Variants in CDKL3 observed in about 807,000 individuals in gnomAD.
CDKL3 encodes the protein cyclin dependent kinase like 3.
CDKL3 carries 65 observed loss-of-function variants against 69.3 expected under a neutral mutation model. The observed-to-expected ratio is 0.94, with a 90% CI of 0.77 to 1.15. The LOEUF is 1.15. Among genes scored for constraint, CDKL3 ranks in the 50% most tolerant of loss-of-function variants. CDKL3 has a pLI of 0.00. For synonymous variants in CDKL3, 202 were observed against 221.6 expected (o/e 0.91, Z 0.79); for missense variants, 652 against 689.2 (o/e 0.95, Z 0.61).
intron 4 of CDKL3, among the ~76,000 whole-genome samples, chr5:134,331,496 C>T (rs1775802199): frequency 6.6e-6 from 1 of 152,102 alleles, no homozygotes. Context: ...TGATGTTCCC[C>T]TCCCTGTGTC....
chr5:134,294,650 G>C (rs1427989031), downstream of CDKL3, among the ~76,000 whole-genome samples: 4 of 151,692 alleles, frequency 2.6e-5, no homozygotes, highest in African/African-American at 9.7e-5. Flanking sequence ...AAACAAAGAA[G>C]ATGAAGGAGA....
At chr5:134,308,854 G>T (rs1768609658) in intron 7 of CDKL3, 127 bp from the exon 8 acceptor site, 4 of 825,958 alleles carry the variant, frequency 4.8e-6, no homozygotes, top group Non-Finnish European at 7.0e-6. Flanking sequence ...TAACTATAAT[G>T]CATGTCAAGA....
At chr5:134,338,092 T>C (rs1185330533) in intron 4 of CDKL3, among the ~76,000 whole-genome samples, 3 of 152,064 alleles carry the variant, frequency 2.0e-5, no homozygotes, top group African/African-American at 7.2e-5. Flanking sequence ...ACATTACAAA[T>C]GTAATATGTG....
intron 3 of CDKL3, 52 bp downstream of exon 3, chr5:134,359,845 G>C: frequency 8.9e-7 from 1 of 1,119,510 alleles, no homozygotes; most frequent in Non-Finnish European, 1.3e-6. Flanking sequence ...TGTATAAGGA[G>C]CACTTATGAT....
upstream of CDKL3, among the ~76,000 whole-genome samples, chr5:134,369,864 T>C (rs942645575): frequency 2.0e-5 from 3 of 152,198 alleles, no homozygotes; most frequent in Admixed American, 6.5e-5. Context: ...TTTTAAGATA[T>C]AGTTTCTCTT....
chr5:134,332,012 C>A (rs1775921341), intron 4 of CDKL3, among the ~76,000 whole-genome samples: 1 of 152,166 alleles, frequency 6.6e-6, no homozygotes, highest in Non-Finnish European at 1.5e-5. Flanking sequence ...GATGGTATCT[C>A]ATTGTGGTTT....
intron 3 of CDKL3, among the ~76,000 whole-genome samples, chr5:134,350,831 G>GAAAAAAAAAAAAAAAAAAAAAAAAAAAA (rs112330114): frequency 2.4e-5 from 2 of 82,402 alleles, no homozygotes; most frequent in Non-Finnish European, 5.8e-5. Flanking sequence ...AGAAAAAAAA[G>GAAAAAAAAAAAAAAAAAAAAAAAAAAAA]AAAAAAAAAA....
chr5:134,368,563 G>A (rs112947475), upstream of CDKL3, among the ~76,000 whole-genome samples: 1 of 142,988 alleles, frequency 7.0e-6, no homozygotes, highest in African/African-American at 2.6e-5. Context: ...AGCTTGCAGT[G>A]AGCGGAGATC....
chr5:134,318,170 G>GA (rs926882911), intron 6 of CDKL3, among the ~76,000 whole-genome samples: 12 of 150,898 alleles, frequency 8.0e-5, no homozygotes, highest in African/African-American at 2.7e-4. Context: ...GGTGAGCTGA[G>GA]ATCGCGCCAT....
chr5:134,355,226 C>T (rs1454917751), intron 3 of CDKL3, among the ~76,000 whole-genome samples: 10 of 137,218 alleles, frequency 7.3e-5, no homozygotes. Flanking sequence ...GAGCAAGACT[C>T]TGTCTCAGGA....
rs555087690 is a variant in CDKL3, at chr5:134,300,641, A to G, written c.1720-1931T>C. Reference sequence around the variant, plus strand: ...TAAGCAGTACAAATAAACTATAATCAACACTGATGACTTCATTTTTTCTGG... The same window carrying G: ...TAAGCAGTACAAATAAACTATAATCGACACTGATGACTTCATTTTTTCTGG... On this transcript the variant is annotated intron_variant, in intron 12 of 12. Coordinates refer to ENST00000265334, the MANE Select transcript of CDKL3 (RefSeq NM_001113575.2). 2.0e-5 allele frequency among the ~76,000 whole-genome samples: 3 copies of G among 152,320 alleles called. No homozygotes were observed. The South Asian group carries it at 6.2e-4, about 32-fold the overall frequency.
chr5:134,316,802 T>C (rs1771208372), intron 6 of CDKL3, among the ~76,000 whole-genome samples: 1 of 152,118 alleles, frequency 6.6e-6, no homozygotes, highest in Non-Finnish European at 1.5e-5. Context: ...TAAGTAAAAA[T>C]AAACAGGTTA....
At chr5:134,343,088 CCAA>C (rs1750933529) in intron 4 of CDKL3, among the ~76,000 whole-genome samples, 1 of 151,834 alleles carries the variant, frequency 6.6e-6, no homozygotes, top group South Asian at 2.1e-4. Context: ...CCCTGTAGTC[CCAA>C]CTACTCAGGA....
intron 4 of CDKL3, 80 bp downstream of exon 4, chr5:134,350,169 C>G: frequency 1.8e-6 from 2 of 1,107,944 alleles, no homozygotes; most frequent in South Asian, 3.5e-5. Context: ...GCCTGGGTGA[C>G]AGAGCAACAC....
At position 134,304,641 on chromosome 5, in the gene CDKL3, G is replaced by A. The variant is rs549474567; in HGVS notation, c.1459-74C>T. 6.0e-5 allele frequency: 74 copies of A among 1,242,848 alleles called. 1 individual carries two copies. The African/African-American group carries it at 8.1e-4, about 14-fold the overall frequency. 77.0% of individuals were successfully genotyped at this position (1,242,848 alleles called of 1,614,324 possible). Reference sequence around the variant, plus strand: ...TAGAATGACAATCCTAGAATTGCTAGCCATTTGGATGGTATAAGATAGACA... The same window carrying A: ...TAGAATGACAATCCTAGAATTGCTAACCATTTGGATGGTATAAGATAGACA... On this transcript the variant is annotated intron_variant, in intron 10 of 12. Transcript: ENST00000265334.
At chr5:134,329,796 G>A (rs556030939) in intron 4 of CDKL3, among the ~76,000 whole-genome samples, 69 of 151,928 alleles carry the variant, frequency 4.5e-4, no homozygotes, top group African/African-American at 1.4e-3. Context: ...TTATACAAGG[G>A]GACTTCAAAA....
intron 12 of CDKL3, 102 bp from the exon 13 acceptor site, chr5:134,298,812 A>T: frequency 6.9e-7 from 1 of 1,455,504 alleles, no homozygotes; most frequent in Non-Finnish European, 9.3e-7. Context: ...TAAATTACTA[A>T]ATTATAAACA....
chr5:134,365,924 C>T (rs1757297141), intron 2 of CDKL3, among the ~76,000 whole-genome samples: 2 of 152,176 alleles, frequency 1.3e-5, no homozygotes, highest in Non-Finnish European at 2.9e-5. Context: ...CTCAAAAAAA[C>T]TTTCCCTACC....
upstream of CDKL3, chr5:134,370,941 G>C (rs1040243408): frequency 6.4e-6 from 1 of 155,728 alleles, no homozygotes; most frequent in African/African-American, 2.4e-5. Flanking sequence ...GTGATAAACA[G>C]AAAACAACTA....
Sources: allele counts gnomAD v4.1 joint callset (sites outside exome capture counted in the v4.1 genomes callset), GRCh38; gene constraint gnomAD v4.1.1; transcripts MANE v1.5; gene names NCBI Gene and HGNC (gene_info 2026-07-23, HGNC 2026-07-21).